WDPCP: variants seen among roughly 807,000 people sequenced by gnomAD.
WDPCP encodes the protein WD repeat containing planar cell polarity effector.
WDPCP carries 71 observed loss-of-function variants against 93.1 expected under a neutral mutation model. The observed-to-expected ratio is 0.76, with a 90% CI of 0.63 to 0.93. The LOEUF (loss-of-function observed/expected upper bound fraction) is 0.93, where lower values mean the gene tolerates loss of function less well. WDPCP is among the 40% of genes least tolerant of loss of function. The probability of loss-of-function intolerance (pLI) is 0.00; values close to 1 mark genes in which losing one functional copy is unlikely to be tolerated. For missense variants in WDPCP, 844 were observed against 887.4 expected (o/e 0.95, Z 0.62); for synonymous variants, 315 against 315.0 (o/e 1.00, Z 0.00).
At chr2:63,192,411 A>G (rs1675119798) in intron 14 of WDPCP, among the ~76,000 whole-genome samples, 1 of 152,242 alleles carries the variant, frequency 6.6e-6, no homozygotes, top group African/African-American at 2.4e-5. Context: ...AGACTAAAGA[A>G]TGATTGGGAG....
At position 63,588,277 on chromosome 2, in the gene WDPCP, G is replaced by T; in HGVS notation, c.-6C>A. 1 of 1,571,798 alleles carries T rather than the reference G, an allele frequency of 6.4e-7. No homozygotes were observed. Among genetic ancestry groups the T allele is most frequent in the South Asian group, 1.2e-5 (1 of 85,994 alleles). On this transcript the variant is annotated 5_prime_UTR_variant, in exon 1 of 18. It adds an upstream start codon to the 5' untranslated region. Transcript: ENST00000272321. ...CAGCAAAACTCTCGCCTCATCACCA[G>T]ACACTACCCCGGGCAGAAGGTTCCT...
Position 63,523,336 on chromosome 2 carries a change from C to T in WDPCP, c.76-30396G>A, listed in dbSNP as rs540395918. Among the ~76,000 whole-genome samples the T allele has an allele frequency of 2.6e-5, 4 of 152,190 alleles. No homozygotes were observed. The South Asian group carries it at 8.3e-4, about 32-fold the overall frequency. On this transcript the variant is annotated intron_variant, in intron 1 of 17. Transcript: ENST00000272321. ...ATAATAAGGGCCATTTATGACAAAC[C>T]CACAGCCAGCATCATACTGAATGGG...
intron 14 of WDPCP, among the ~76,000 whole-genome samples, chr2:63,246,277 A>G (rs548282472): frequency 6.6e-6 from 1 of 152,298 alleles, no homozygotes; most frequent in East Asian, 1.9e-4. Context: ...CACCAGGGCC[A>G]TCTTTCCTGG....
At chr2:63,774,915 T>C (rs1670280629) in intron 2 of WDPCP, among the ~76,000 whole-genome samples, 1 of 152,160 alleles carries the variant, frequency 6.6e-6, no homozygotes. Context: ...GTCTAAAATA[T>C]AAGTCACATC....
chr2:63,693,467 A>ATAGG (rs1668918607), intron 2 of WDPCP, among the ~76,000 whole-genome samples: 1 of 151,932 alleles, frequency 6.6e-6, no homozygotes, highest in Non-Finnish European at 1.5e-5. Flanking sequence ...AGATAGATAG[A>ATAGG]TAGATAGATA....
intron 14 of WDPCP, among the ~76,000 whole-genome samples, chr2:63,224,773 A>G (rs1271609775): frequency 6.6e-6 from 1 of 151,974 alleles, no homozygotes; most frequent in Non-Finnish European, 1.5e-5. Flanking sequence ...GATTCTAAGG[A>G]CAGTGAAACT....
At chr2:63,122,627 C>G (rs1669622809) in intron 17 of WDPCP, among the ~76,000 whole-genome samples, 1 of 152,092 alleles carries the variant, frequency 6.6e-6, no homozygotes, top group South Asian at 2.1e-4. Context: ...TACAGAAAAA[C>G]AGAAGATCTT....
At chr2:63,436,394 C>T (rs1166328625) in intron 8 of WDPCP, among the ~76,000 whole-genome samples, 1 of 151,928 alleles carries the variant, frequency 6.6e-6, no homozygotes, top group East Asian at 1.9e-4. Context: ...CATTAAAAAT[C>T]TTTTTTTAAG....
Position 63,785,271 on chromosome 2 carries a change from CCTT to C in WDPCP, n.308+28348_308+28350del, listed in dbSNP as rs935931734. On this transcript the variant is annotated intron_variant and non_coding_transcript_variant, in intron 2 of 4. Coordinates refer to the WDPCP transcript ENST00000467687. ...TTTTCACACCAGAGGAGTTACTCCT[CCTT>C]CCTCCCTTCTCCCCCTCTGCTTCTT... is the stretch of plus-strand genomic sequence containing the variant. Among the ~76,000 whole-genome samples the C allele has an allele frequency of 3.3e-5, 5 of 152,268 alleles. No individual in the cohort carries two copies. In the South Asian group the frequency reaches 1.0e-3, roughly 32 times the overall value.
At chr2:63,275,253 T>TA (rs1032900433) in intron 13 of WDPCP, among the ~76,000 whole-genome samples, 5 of 151,998 alleles carry the variant, frequency 3.3e-5, no homozygotes, top group Non-Finnish European at 4.4e-5. Flanking sequence ...CCATTCCTGG[T>TA]AAAAACTCTC....
At chr2:63,687,223 A>T (rs911355152) in intron 2 of WDPCP, among the ~76,000 whole-genome samples, 1 of 152,218 alleles carries the variant, frequency 6.6e-6, no homozygotes, top group African/African-American at 2.4e-5. Flanking sequence ...AAATTACAAA[A>T]CTACTAAAAG....
At chr2:63,583,159 C>T (rs1473977321) in intron 1 of WDPCP, among the ~76,000 whole-genome samples, 1 of 151,982 alleles carries the variant, frequency 6.6e-6, no homozygotes, top group Non-Finnish European at 1.5e-5. Flanking sequence ...GGTTTTTATA[C>T]ATGAAATGGT....
intron 14 of WDPCP, among the ~76,000 whole-genome samples, chr2:63,241,184 C>A (rs1679831843): frequency 1.3e-5 from 2 of 152,126 alleles, no homozygotes; most frequent in Non-Finnish European, 2.9e-5. Context: ...GTAATACAGT[C>A]TTGTATAGAC....
intron 5 of WDPCP, 65 bp downstream of exon 5, chr2:63,484,852 G>A: frequency 6.4e-7 from 1 of 1,560,790 alleles, no homozygotes; most frequent in Non-Finnish European, 8.8e-7. Context: ...GAAAATTAAA[G>A]CTGTTGAAAG....
At chr2:63,519,969 C>A (rs370800252) in intron 1 of WDPCP, among the ~76,000 whole-genome samples, 29 of 152,154 alleles carry the variant, frequency 1.9e-4, no homozygotes, top group African/African-American at 6.7e-4. Context: ...AAACCCAATC[C>A]AAGGAGTATT....
chr2:63,528,335 T>C (rs1401543582), intron 1 of WDPCP, among the ~76,000 whole-genome samples: 12 of 152,198 alleles, frequency 7.9e-5, no homozygotes, highest in African/African-American at 1.2e-4. Context: ...TCTGCTAGGG[T>C]TTTTATGGTT....
chr2:63,185,392 C>T (rs540302380), intron 14 of WDPCP, among the ~76,000 whole-genome samples: 45 of 151,470 alleles, frequency 3.0e-4, no homozygotes, highest in African/African-American at 1.0e-3. Context: ...GACAGGACTT[C>T]CCCCCCTCTC....
intron 3 of WDPCP, among the ~76,000 whole-genome samples, chr2:63,612,416 T>C (rs1020167518): frequency 2.0e-5 from 3 of 152,156 alleles, no homozygotes; most frequent in African/African-American, 7.2e-5. Context: ...TGAGCTAAAG[T>C]CATTTCAGAT....
At chr2:63,490,721 G>C (rs950795702) in intron 2 of WDPCP, among the ~76,000 whole-genome samples, 4 of 152,124 alleles carry the variant, frequency 2.6e-5, no homozygotes, top group South Asian at 2.1e-4. Flanking sequence ...AAGGAACAGG[G>C]ACAGAAAACT....
Sources: allele counts gnomAD v4.1 joint callset (sites outside exome capture counted in the v4.1 genomes callset), GRCh38; gene constraint gnomAD v4.1.1; transcripts MANE v1.5; gene names NCBI Gene and HGNC (gene_info 2026-07-23, HGNC 2026-07-21).